Variants in SHROOM3 observed in about 807,000 individuals in gnomAD.
The protein encoded by SHROOM3 is protein Shroom3.
In SHROOM3, 47 loss-of-function variants were observed where a neutral mutation model predicts 138.6. The ratio of observed to expected loss-of-function variants is 0.34; its 90% CI spans 0.27 to 0.43. The LOEUF (loss-of-function observed/expected upper bound fraction) is 0.43, where lower values mean the gene tolerates loss of function less well. SHROOM3 is among the 20% of genes least tolerant of loss of function. The probability of loss-of-function intolerance (pLI) is 1.00; values close to 1 mark genes in which losing one functional copy is unlikely to be tolerated. For synonymous variants in SHROOM3, 1,062 were observed against 1,063.3 expected (o/e 1.00, Z 0.02); for missense variants, 2,491 against 2,596.5 (o/e 0.96, Z 0.88).
At position 76,608,584 on chromosome 4, in the gene SHROOM3, GCATAGCA is replaced by G. The variant is rs1560563169; in HGVS notation, c.323+52822_323+52828del. 4.1e-3 allele frequency among the ~76,000 whole-genome samples: 614 copies of G among 150,504 alleles called. 4 individuals carry two copies. The highest frequency in any genetic ancestry group is 0.014 in the African/African-American group (583 of 40,818). On this transcript the variant is annotated intron_variant, in intron 2 of 10. Transcript: ENST00000296043. ...GCATAGCATAGCATAGCATAGCATA[GCATAGCA>G]TAGCATAGCATAGCATAGCATTGGA...
At chr4:76,699,763 T>C (rs1333145498) in intron 2 of SHROOM3, among the ~76,000 whole-genome samples, 1 of 152,188 alleles carries the variant, frequency 6.6e-6, no homozygotes, top group African/African-American at 2.4e-5. Context: ...TTAATGGTAC[T>C]ACACCATGCA....
chr4:76,647,653 G>T (rs1193508349), intron 2 of SHROOM3, among the ~76,000 whole-genome samples: 2 of 152,194 alleles, frequency 1.3e-5, no homozygotes, highest in African/African-American at 4.8e-5. Context: ...CCAGCACTTT[G>T]AGAGGCCAAG....
At chr4:76,476,756 C>T (rs770963903) in intron 1 of SHROOM3, among the ~76,000 whole-genome samples, 107 of 152,202 alleles carry the variant, frequency 7.0e-4, no homozygotes, top group Non-Finnish European at 1.4e-3. Context: ...CCTTTCATCT[C>T]TTAATCCCTC....
intron 1 of SHROOM3, 148 bp from the exon 2 acceptor site, chr4:76,555,461 A>G (rs907248787): frequency 2.5e-6 from 3 of 1,181,774 alleles, no homozygotes; most frequent in Admixed American, 2.0e-5. Flanking sequence ...GCGCTCTCAC[A>G]GTTTTCCCTC....
chr4:76,712,491 A>G (rs771500076), intron 3 of SHROOM3, among the ~76,000 whole-genome samples: 7 of 152,248 alleles, frequency 4.6e-5, no homozygotes, highest in Non-Finnish European at 8.8e-5. Flanking sequence ...TGAGTGGAAC[A>G]AACAAATGTA....
chr4:76,645,123 C>T (rs531566526), intron 2 of SHROOM3, among the ~76,000 whole-genome samples: 22 of 152,286 alleles, frequency 1.4e-4, no homozygotes, highest in African/African-American at 5.3e-4. Flanking sequence ...ATCTCTTTTA[C>T]AAGTCTTTTA....
intron 9 of SHROOM3, among the ~76,000 whole-genome samples, chr4:76,764,457 T>C (rs1722084835): frequency 6.6e-6 from 1 of 152,216 alleles, no homozygotes. Context: ...AGCTGCCCAT[T>C]CCCGCTGCTC....
intron 2 of SHROOM3, among the ~76,000 whole-genome samples, chr4:76,584,520 A>G (rs543215729): frequency 1.5e-4 from 23 of 152,168 alleles, no homozygotes; most frequent in Non-Finnish European, 2.6e-4. Context: ...TGGTGACACA[A>G]ATGAGTCCAC....
chr4:76,710,035 G>A (rs1410416137), intron 2 of SHROOM3, 121 bp from the exon 3 acceptor site: 11 of 1,332,698 alleles, frequency 8.3e-6, no homozygotes, highest in African/African-American at 7.2e-5. Flanking sequence ...GCACTTAGCT[G>A]TGCTGCTTTG....
chr4:76,490,050 G>C (rs895272754), intron 1 of SHROOM3, among the ~76,000 whole-genome samples: 10 of 152,166 alleles, frequency 6.6e-5, no homozygotes, highest in African/African-American at 2.4e-4. Flanking sequence ...GCCACTTCAT[G>C]CTCACTTCAT....
At chr4:76,502,439 G>A (rs1220005387) in intron 1 of SHROOM3, among the ~76,000 whole-genome samples, 2 of 152,126 alleles carry the variant, frequency 1.3e-5, no homozygotes, top group Non-Finnish European at 2.9e-5. Context: ...CTGAAGGGGG[G>A]TGGGGGCAGT....
intron 2 of SHROOM3, among the ~76,000 whole-genome samples, chr4:76,695,368 T>C (rs904445940): frequency 6.6e-6 from 1 of 152,156 alleles, no homozygotes; most frequent in Admixed American, 6.5e-5. Flanking sequence ...CTTTGTGAGG[T>C]CTATGTAGGG....
intron 2 of SHROOM3, among the ~76,000 whole-genome samples, chr4:76,591,860 G>T (rs1414535534): frequency 6.6e-6 from 1 of 152,136 alleles, no homozygotes; most frequent in Non-Finnish European, 1.5e-5. Context: ...TATCAGCTGG[G>T]TTTCTAGGTA....
intron 2 of SHROOM3, among the ~76,000 whole-genome samples, chr4:76,622,073 C>A (rs1462257612): frequency 3.3e-5 from 5 of 152,020 alleles, no homozygotes; most frequent in Non-Finnish European, 7.4e-5. Context: ...TCAGGCGATC[C>A]ACCCACCTCG....
At chr4:76,482,446 A>C (rs1202774207) in intron 1 of SHROOM3, among the ~76,000 whole-genome samples, 3 of 152,190 alleles carry the variant, frequency 2.0e-5, no homozygotes, top group Non-Finnish European at 4.4e-5. Flanking sequence ...TCCAACTTAC[A>C]AGGGATGTGA....
intron 1 of SHROOM3, among the ~76,000 whole-genome samples, chr4:76,480,244 T>C (rs1204925933): frequency 5.3e-5 from 8 of 152,004 alleles, no homozygotes; most frequent in Non-Finnish European, 8.8e-5. Context: ...AGGAGACCCA[T>C]CTCATGTGCA....
intron 1 of SHROOM3, among the ~76,000 whole-genome samples, chr4:76,442,372 A>G (rs977262464): frequency 2.6e-5 from 4 of 151,424 alleles, no homozygotes; most frequent in Non-Finnish European, 5.9e-5. Flanking sequence ...CTAGTAAGGA[A>G]GTAATTGCTT....
At chr4:76,730,400 G>A (rs537566868) in intron 3 of SHROOM3, among the ~76,000 whole-genome samples, 63 of 152,270 alleles carry the variant, frequency 4.1e-4, no homozygotes, top group South Asian at 3.5e-3. Context: ...AAGCCCTTTG[G>A]GAAATGGAAA....
chr4:76,756,945 C>T lies in SHROOM3; in HGVS notation c.5198+8C>T, dbSNP rs763816263. The T allele has an allele frequency of 7.4e-6, 12 of 1,613,500 alleles. 1 individual carries two copies. In the South Asian group the frequency reaches 1.2e-4, roughly 16 times the overall value. On this transcript the variant is annotated splice_region_variant and intron_variant, in intron 8 of 10. Transcript: ENST00000296043. ...AGGATGTGAAGGCAAGAGGTAAGTC[C>T]CTGGTGATGTCCTCAGAGAGACTTA... is the stretch of plus-strand genomic sequence containing the variant.
Sources: allele counts gnomAD v4.1 joint callset (sites outside exome capture counted in the v4.1 genomes callset), GRCh38; gene constraint gnomAD v4.1.1; transcripts MANE v1.5; gene names NCBI Gene and HGNC (gene_info 2026-07-23, HGNC 2026-07-21).